Variants in SUMF1 observed in about 807,000 individuals in gnomAD.
SUMF1 encodes the protein formylglycine-generating enzyme.
Under a neutral mutation model 47.6 loss-of-function variants are expected in SUMF1, and 48 were observed. The ratio of observed to expected loss-of-function variants is 1.01; its 90% confidence interval spans 0.80 to 1.28. The LOEUF (loss-of-function observed/expected upper bound fraction) is 1.28. SUMF1 is among the 50% of genes most tolerant of loss of function. The pLI is 0.00. For synonymous variants in SUMF1, 230 were observed against 192.1 expected, an observed-to-expected ratio of 1.20 and a Z score of -1.63; for missense variants, 571 against 485.4, an observed-to-expected ratio of 1.18 and a Z score of -1.66.
At chr3:4,403,032 T>A (rs1363600608) in intron 7 of SUMF1, among the ~76,000 whole-genome samples, 1 of 152,196 alleles carries the variant, frequency 6.6e-6, no homozygotes, top group African/African-American at 2.4e-5. Context: ...GTGCCTGTAG[T>A]ACCAGTAGGA....
intron 8 of SUMF1, among the ~76,000 whole-genome samples, chr3:4,279,523 A>G (rs1479976369): frequency 6.6e-6 from 1 of 152,170 alleles, no homozygotes; most frequent in South Asian, 2.1e-4. Context: ...GAAAGTAGAG[A>G]AGCAAGTTAC....
intron 8 of SUMF1, among the ~76,000 whole-genome samples, chr3:4,296,091 A>G (rs1489381433): frequency 6.9e-6 from 1 of 145,586 alleles, no homozygotes; most frequent in Non-Finnish European, 1.5e-5. Context: ...TTTCTTATAG[A>G]AAAATGACCC....
intron 8 of SUMF1, among the ~76,000 whole-genome samples, chr3:4,138,385 G>T (rs2587924): frequency 0.39 from 59,511 of 151,896 alleles, 12,060 homozygotes; most frequent in East Asian, 0.58. Flanking sequence ...CTGAAGATTT[G>T]ACCACTGGAC....
intron 8 of SUMF1, among the ~76,000 whole-genome samples, chr3:4,348,693 T>C (rs568542759): frequency 2.4e-4 from 36 of 149,234 alleles, no homozygotes; most frequent in African/African-American, 9.0e-4. Context: ...GCAGAAATGC[T>C]GTCTCTACTA....
chr3:4,420,543 C>T (rs186593710), intron 3 of SUMF1, among the ~76,000 whole-genome samples: 87 of 151,986 alleles, frequency 5.7e-4, no homozygotes, highest in African/African-American at 2.0e-3. Context: ...ACTACAGGCA[C>T]GTGCCAGCAA....
rs1241028678 is a variant in SUMF1 at position 4,348,068 on chromosome 3, G to A, written c.1014+28262C>T. Reference sequence around the variant, plus strand: ...GAAAAACATTCCATCCTCATGGATGGGAAGAATCAATACCATGAAAATGGC... The same window carrying A: ...GAAAAACATTCCATCCTCATGGATGAGAAGAATCAATACCATGAAAATGGC... On this transcript the variant is annotated intron_variant and NMD_transcript_variant, in intron 8 of 12. Coordinates refer to the SUMF1 transcript ENST00000448413. 5.3e-5 allele frequency among the ~76,000 whole-genome samples: 8 copies of A among 152,266 alleles called. No individual in the cohort carries two copies. In the East Asian group the frequency reaches 1.5e-3, roughly 29 times the overall value.
chr3:4,456,904 A>G (rs1465438507), intron 1 of SUMF1, among the ~76,000 whole-genome samples: 2 of 138,252 alleles, frequency 1.4e-5, no homozygotes, highest in African/African-American at 2.7e-5. Flanking sequence ...ATGTGTGTGT[A>G]TATCTATATA....
Position 4,214,342 on chromosome 3 carries a change from A to G in SUMF1, c.1015-145597T>C, listed in dbSNP as rs554081491. On this transcript the variant is annotated intron_variant and NMD_transcript_variant, in intron 8 of 12. Transcript: ENST00000448413. The stretch of plus-strand genomic sequence containing the variant: ...AATAACAAAATGAAGGCACAAATAG[A>G]TGTTCTTTGAAACCAATGAGAATGA... Among the ~76,000 whole-genome samples the G allele has an allele frequency of 5.9e-5, 9 of 152,314 alleles. No individual in the cohort carries two copies. In the South Asian group the frequency reaches 1.9e-3, roughly 32 times the overall value.
chr3:4,093,658 G>C (rs1457322805), intron 8 of SUMF1, among the ~76,000 whole-genome samples: 1 of 152,078 alleles, frequency 6.6e-6, no homozygotes, highest in East Asian at 1.9e-4. Flanking sequence ...ATAGAGTACA[G>C]GATATAGAGG....
intron 1 of SUMF1, among the ~76,000 whole-genome samples, chr3:4,466,452 C>T (rs2079948887): frequency 6.6e-6 from 1 of 152,094 alleles, no homozygotes; most frequent in Admixed American, 6.6e-5. Context: ...CACATACAGG[C>T]GCTAAGCAAG....
intron 8 of SUMF1, among the ~76,000 whole-genome samples, chr3:4,214,530 AG>A (rs1401301051): frequency 6.6e-6 from 1 of 152,204 alleles, no homozygotes; most frequent in Non-Finnish European, 1.5e-5. Flanking sequence ...TTCAAAAGCG[AG>A]CAGAAGACAA....
At chr3:4,368,472 C>T (rs1038733038) in intron 8 of SUMF1, among the ~76,000 whole-genome samples, 1 of 152,042 alleles carries the variant, frequency 6.6e-6, no homozygotes, top group African/African-American at 2.4e-5. Context: ...TTTGACCCAG[C>T]CATCCCATTA....
intron 8 of SUMF1, among the ~76,000 whole-genome samples, chr3:4,266,536 G>C (rs1199783761): frequency 4.6e-5 from 7 of 151,992 alleles, no homozygotes; most frequent in Admixed American, 4.6e-4. Flanking sequence ...TTGTCTTATT[G>C]GTGTATAAGA....
chr3:4,414,036 C>G (rs1392377375), intron 6 of SUMF1, among the ~76,000 whole-genome samples: 2 of 151,934 alleles, frequency 1.3e-5, no homozygotes, highest in Admixed American at 6.6e-5. Flanking sequence ...GCTAATTTTT[C>G]TGTATTTTAG....
rs116915001 is a variant in SUMF1 at position 4,082,840 on chromosome 3, A to G, written c.1015-14095T>C. Among the ~76,000 whole-genome samples the G allele has an allele frequency of 2.1e-4, 32 of 152,226 alleles. No individual in the cohort carries two copies. The East Asian group carries it at 4.8e-3, about 23-fold the overall frequency. Reference sequence around the variant, plus strand: ...GAAAGATGGAAAAGGAGGGTCTCTCAGGCAATCAAAACAGGCTAAGTTAAG... The same window carrying G: ...GAAAGATGGAAAAGGAGGGTCTCTCGGGCAATCAAAACAGGCTAAGTTAAG... On this transcript the variant is annotated intron_variant and NMD_transcript_variant, in intron 8 of 12. Transcript: ENST00000448413.
In SUMF1 at chr3:4,299,475, A is replaced by G. The variant is rs761092083; in HGVS notation, c.1014+76855T>C. 5.0e-4 allele frequency among the ~76,000 whole-genome samples: 76 copies of G among 152,244 alleles called. 1 individual carries two copies. Among genetic ancestry groups the G allele is most frequent in the Admixed American group, 2.3e-3 (35 of 15,288 alleles). On this transcript the variant is annotated intron_variant and NMD_transcript_variant, in intron 8 of 12. Transcript: ENST00000448413. ...CCCTGTGGTAGATGTTTCAAGTACC[A>G]TATTATGGGTATTAATGAATTTATA...
chr3:4,266,001 G>GC (rs1203527123), intron 8 of SUMF1, among the ~76,000 whole-genome samples: 1 of 152,016 alleles, frequency 6.6e-6, no homozygotes, highest in Non-Finnish European at 1.5e-5. Flanking sequence ...TTTCCCCATT[G>GC]CTTGTTTTTC....
intron 8 of SUMF1, among the ~76,000 whole-genome samples, chr3:4,190,339 G>T (rs1007557284): frequency 6.6e-6 from 1 of 152,142 alleles, no homozygotes; most frequent in Non-Finnish European, 1.5e-5. Flanking sequence ...CGACAGCAAC[G>T]TGTCTGTAGG....
At chr3:4,463,510 C>T (rs1471484380) in intron 1 of SUMF1, among the ~76,000 whole-genome samples, 1 of 151,872 alleles carries the variant, frequency 6.6e-6, no homozygotes, top group East Asian at 1.9e-4. Flanking sequence ...CAAAACAAAA[C>T]AAAAAAACAC....
Sources: gnomAD v4.1 joint callset for allele counts (sites outside exome capture counted in the v4.1 genomes callset) on GRCh38, gnomAD v4.1.1 for gene constraint, MANE v1.5 for transcripts, NCBI Gene and HGNC (gene_info 2026-07-23, HGNC 2026-07-21) for gene names.